Variants in SNCAIP observed in about 807,000 individuals in gnomAD.
SNCAIP encodes the protein synphilin-1.
In SNCAIP, 43 loss-of-function variants were observed where a neutral mutation model predicts 86.7. The ratio of observed to expected loss-of-function variants is 0.50; its 90% CI spans 0.39 to 0.64. The LOEUF (loss-of-function observed/expected upper bound fraction) is 0.64, where lower values mean the gene tolerates loss of function less well. SNCAIP is among the 30% of genes least tolerant of loss of function. SNCAIP has a pLI of 0.00. For synonymous variants in SNCAIP, 417 were observed against 427.2 expected (o/e 0.98, Z 0.29); for missense variants, 981 against 1,103.1 (o/e 0.89, Z 1.57).
At chr5:122,386,858 T>G (rs888515453) in intron 1 of SNCAIP, among the ~76,000 whole-genome samples, 3 of 151,866 alleles carry the variant, frequency 2.0e-5, no homozygotes, top group Non-Finnish European at 4.4e-5. Context: ...CATACCTGCC[T>G]AAATAAATAA....
intron 1 of SNCAIP, among the ~76,000 whole-genome samples, chr5:122,340,323 A>G (rs946949146): frequency 6.6e-6 from 1 of 152,332 alleles, no homozygotes; most frequent in Middle Eastern, 3.4e-3. Context: ...TGTAAATAGT[A>G]CTATGTAGTA....
intron 1 of SNCAIP, among the ~76,000 whole-genome samples, chr5:122,354,871 C>T (rs1349569387): frequency 6.6e-6 from 1 of 152,116 alleles, no homozygotes; most frequent in Admixed American, 6.5e-5. Context: ...CATTTCAAAA[C>T]CAACAATATT....
rs151177205 is a variant in SNCAIP at position 122,365,636 on chromosome 5, G to A, written c.-46-25453G>A. 2.3e-3 allele frequency among the ~76,000 whole-genome samples: 345 copies of A among 152,294 alleles called. 3 individuals are homozygous for A. The highest frequency in any genetic ancestry group is 7.9e-3 in the African/African-American group (327 of 41,554). On this transcript the variant is annotated intron_variant, in intron 1 of 10. Transcript: ENST00000261368. ...GGAGATTGCAGTGAGCCAAGATTGC[G>A]CCACTGCACTCTAGTCTGGGCGGCA...
chr5:122,448,230 G>A lies in SNCAIP; in HGVS notation c.1593-1615G>A, dbSNP rs531961571. Among the ~76,000 whole-genome samples the A allele has an allele frequency of 5.6e-4, 86 of 152,254 alleles. 1 individual carries two copies. The South Asian group carries it at 0.014, about 25-fold the overall frequency. ...TTTAGTTACATGTCCTGGCTCGTGA[G>A]AGCTGCTGTCATTTTTTTCTGCTAA... is the stretch of plus-strand genomic sequence containing the variant. On this transcript the variant is annotated intron_variant, in intron 8 of 10. Coordinates refer to ENST00000261368, the MANE Select transcript of SNCAIP (RefSeq NM_005460.4).
chr5:122,433,276 C>G (rs1004935949), intron 6 of SNCAIP, among the ~76,000 whole-genome samples: 1 of 152,060 alleles, frequency 6.6e-6, no homozygotes, highest in African/African-American at 2.4e-5. Flanking sequence ...CAAAACAACC[C>G]TGTGAGAGCT....
chr5:122,332,617 G>A (rs1352703630), intron 1 of SNCAIP, among the ~76,000 whole-genome samples: 6 of 152,322 alleles, frequency 3.9e-5, no homozygotes, highest in Admixed American at 2.0e-4. Flanking sequence ...GCTAAGCTGC[G>A]GGAGAAGTTG....
At chr5:122,391,949 G>A (rs1769463431) in intron 2 of SNCAIP, among the ~76,000 whole-genome samples, 1 of 152,184 alleles carries the variant, frequency 6.6e-6, no homozygotes, top group Admixed American at 6.5e-5. Flanking sequence ...CAGAGTATGT[G>A]ATGAGAAGGT....
intron 10 of SNCAIP, chr5:122,453,033 A>G (rs2153007352): frequency 7.4e-7 from 1 of 1,351,320 alleles, no homozygotes; most frequent in East Asian, 2.5e-5. Context: ...CGGCATTGAC[A>G]TGCTTTGCTT....
intron 1 of SNCAIP, among the ~76,000 whole-genome samples, chr5:122,353,879 G>A (rs1760445209): frequency 1.3e-5 from 2 of 152,114 alleles, no homozygotes; most frequent in South Asian, 4.2e-4. Flanking sequence ...TGAGAATGGG[G>A]TAGGGGTGAG....
chr5:122,434,388 T>C (rs1778981082), intron 6 of SNCAIP, among the ~76,000 whole-genome samples: 1 of 152,174 alleles, frequency 6.6e-6, no homozygotes, highest in Non-Finnish European at 1.5e-5. Flanking sequence ...AGTTTCTTTA[T>C]TCAGCTCTCA....
chr5:122,383,733 A>T (rs1019296822), intron 1 of SNCAIP, among the ~76,000 whole-genome samples: 36 of 152,236 alleles, frequency 2.4e-4, no homozygotes, highest in Non-Finnish European at 4.1e-4. Context: ...TGTATAAATT[A>T]AAGGGCAAAA....
chr5:122,432,212 T>C (rs1298415605), intron 6 of SNCAIP, 130 bp downstream of exon 6: 1 of 648,046 alleles, frequency 1.5e-6, no homozygotes, highest in Non-Finnish European at 2.8e-6. Flanking sequence ...TAACCAATGA[T>C]ATTTGTTGTT....
intron 10 of SNCAIP, among the ~76,000 whole-genome samples, chr5:122,458,385 G>C (rs1359832455): frequency 4.6e-5 from 7 of 152,008 alleles, no homozygotes; most frequent in African/African-American, 1.7e-4. Flanking sequence ...CAGAGATCCA[G>C]TTTTGAATTG....
Position 122,423,166 on chromosome 5 carries a change from G to A in SNCAIP, c.429G>A (p.Leu143=), listed in dbSNP as rs886059825. The change falls in exon 4 of 11, where the codon CTG becomes CTA. Residue 143 remains leucine (L), a synonymous_variant. Coordinates refer to ENST00000261368, the MANE Select transcript of SNCAIP (RefSeq NM_005460.4). ...SSEPSTSLGE[L]EHYDLDMDEI... The stretch of plus-strand genomic sequence containing the variant: ...AGCCCAGCACATCGCTGGGTGAACT[G>A]GAGCACTACGACCTCGACATGGATG... 2.5e-6 allele frequency: 4 copies of A among 1,614,140 alleles called. No individual in the cohort carries two copies. The highest frequency in any genetic ancestry group is 3.4e-6 in the Non-Finnish European group (4 of 1,180,008).
intron 2 of SNCAIP, 85 bp from the exon 3 acceptor site, chr5:122,403,708 T>G: frequency 9.8e-7 from 1 of 1,020,532 alleles, no homozygotes; most frequent in Non-Finnish European, 1.6e-6. Flanking sequence ...GTATCACTTA[T>G]TGTGTTTTGT....
intron 1 of SNCAIP, among the ~76,000 whole-genome samples, chr5:122,333,163 A>G (rs1018380036): frequency 1.3e-5 from 2 of 152,246 alleles, no homozygotes; most frequent in Admixed American, 1.3e-4. Flanking sequence ...CTGTAATTGT[A>G]AAATGAGCTT....
intron 1 of SNCAIP, among the ~76,000 whole-genome samples, chr5:122,330,314 G>A (rs545115181): frequency 6.6e-6 from 1 of 151,770 alleles, no homozygotes; most frequent in Admixed American, 6.6e-5. Context: ...GTAGAGACGG[G>A]GTTTCACCGT....
At chr5:122,400,907 A>G (rs1167668142) in intron 2 of SNCAIP, 1 of 1,388,578 alleles carries the variant, frequency 7.2e-7, no homozygotes, top group Non-Finnish European at 9.5e-7. Context: ...GACTTCTAGA[A>G]AAAGAATAAA....
chr5:122,398,127 T>C (rs746446129), intron 2 of SNCAIP, among the ~76,000 whole-genome samples: 87 of 152,168 alleles, frequency 5.7e-4, no homozygotes, highest in Non-Finnish European at 1.1e-3. Flanking sequence ...AGACGGCTGA[T>C]GAATGCAAGA....
Sources: allele counts gnomAD v4.1 joint callset (sites outside exome capture counted in the v4.1 genomes callset), GRCh38; gene constraint gnomAD v4.1.1; transcripts MANE v1.5; gene names NCBI Gene and HGNC (gene_info 2026-07-23, HGNC 2026-07-21).